KCTD7: variants seen among roughly 807,000 people sequenced by gnomAD.
The protein encoded by KCTD7 is BTB/POZ domain-containing protein KCTD7.
KCTD7 carries 15 observed loss-of-function variants against 27.0 expected under a neutral mutation model. The ratio of observed to expected loss-of-function variants is 0.56; its 90% CI spans 0.37 to 0.86. The LOEUF (loss-of-function observed/expected upper bound fraction) is 0.86, where lower values mean the gene tolerates loss of function less well. Ranked by LOEUF, KCTD7 falls within the 40% of genes least tolerant of loss-of-function variation. KCTD7 has a pLI of 0.00. For missense variants in KCTD7, 299 were observed against 398.9 expected, an observed-to-expected ratio of 0.75 and a Z score of 2.13; for synonymous variants, 159 against 162.7, an observed-to-expected ratio of 0.98 and a Z score of 0.17.
At chr7:66,631,162 C>T (rs572531564) in intron 1 of KCTD7, among the ~76,000 whole-genome samples, 3 of 152,242 alleles carry the variant, frequency 2.0e-5, no homozygotes, top group Non-Finnish European at 2.9e-5. Context: ...TTGAGCCAGG[C>T]GCTGCACAAG....
rs1786679282 is a variant in KCTD7 at position 66,640,063 on chromosome 7, T to C, written c.*831T>C. The C allele has an allele frequency of 7.9e-7, 1 of 1,265,136 alleles. No individual in the cohort carries two copies. The highest frequency in any genetic ancestry group is 3.0e-4 in the Middle Eastern group (1 of 3,348). 78.4% of individuals were successfully genotyped at this position (1,265,136 alleles called of 1,614,324 possible). ...CCTAGATCTTCTGTTATCTTTGACATGTAACATCCTTTTTAGAGGCTCAGA... is the reference window on the plus strand; with the variant it reads ...CCTAGATCTTCTGTTATCTTTGACACGTAACATCCTTTTTAGAGGCTCAGA... On this transcript the variant is annotated 3_prime_UTR_variant, in exon 4 of 4. Transcript: ENST00000639828.
Position 66,628,948 on chromosome 7 carries a change from C to A in KCTD7, c.-117C>A, listed in dbSNP as rs1234207972. The A allele has an allele frequency of 8.4e-6, 9 of 1,068,894 alleles. No homozygotes were observed. Among genetic ancestry groups the A allele is most frequent in the East Asian group, 3.4e-5 (1 of 29,274 alleles). The allele number at this position is 1,068,894 out of a possible 1,614,324, so 66.2% of individuals were successfully genotyped here. On this transcript the variant is annotated 5_prime_UTR_variant, in exon 1 of 4. Coordinates refer to ENST00000639828, the MANE Select transcript of KCTD7 (RefSeq NM_153033.5). ...CCCGCCTGCGCACTGCCTCTCGCCCCCCTCCGGCCAGCCCGCAGCCGGCCG... is the reference window on the plus strand; with the variant it reads ...CCCGCCTGCGCACTGCCTCTCGCCCACCTCCGGCCAGCCCGCAGCCGGCCG...
chr7:66,632,852 G>A (rs1290846305), intron 1 of KCTD7, among the ~76,000 whole-genome samples: 1 of 151,294 alleles, frequency 6.6e-6, no homozygotes, highest in Non-Finnish European at 1.5e-5. Flanking sequence ...GACCATCCTG[G>A]CTAACGCAGT....
chr7:66,637,517 A>T (rs1786614788), intron 2 of KCTD7, among the ~76,000 whole-genome samples: 2 of 152,270 alleles, frequency 1.3e-5, no homozygotes, highest in Admixed American at 1.3e-4. Context: ...GTATACTTAC[A>T]TAATGAATAA....
Position 66,639,780 on chromosome 7 carries a change from C to T in KCTD7, c.*548C>T, listed in dbSNP as rs1274628365. Reference sequence around the variant, plus strand: ...CTTCTCCTCCAAGAATAGTTGCCCACATTCCCAAAATGTGGAAAGACTTTT... The same window carrying T: ...CTTCTCCTCCAAGAATAGTTGCCCATATTCCCAAAATGTGGAAAGACTTTT... On this transcript the variant is annotated 3_prime_UTR_variant, in exon 4 of 4. Transcript: ENST00000639828. 7.9e-5 allele frequency: 99 copies of T among 1,250,692 alleles called. No individual in the cohort carries two copies. Among genetic ancestry groups the T allele is most frequent in the Non-Finnish European group, 9.6e-5 (96 of 998,970 alleles). 77.5% of individuals were successfully genotyped at this position (1,250,692 alleles called of 1,614,324 possible).
chr7:66,630,195 A>T (rs140012172), intron 1 of KCTD7, among the ~76,000 whole-genome samples: 118 of 152,226 alleles, frequency 7.8e-4, no homozygotes, highest in African/African-American at 2.7e-3. Context: ...TGAGCCCTGG[A>T]GGTTGAGGCT....
chr7:66,640,779 A>G lies in KCTD7; in HGVS notation c.*1547A>G, dbSNP rs1221157256. ...CAGGAGATTAAGACTGTAGTATACT[A>G]TGATCGTGCCTGTGGCTAGCCACTG... On this transcript the variant is annotated 3_prime_UTR_variant, in exon 4 of 4. Coordinates refer to ENST00000639828, the MANE Select transcript of KCTD7 (RefSeq NM_153033.5). 1.2e-5 allele frequency: 12 copies of G among 996,406 alleles called. No homozygotes were observed. In the East Asian group the frequency reaches 5.7e-4, roughly 47 times the overall value. The allele number at this position is 996,406 out of a possible 1,614,324, so 61.7% of individuals were successfully genotyped here.
Position 66,640,616 on chromosome 7 carries a change from T to C in KCTD7, c.*1384T>C. 1.4e-6 allele frequency: 2 copies of C among 1,387,474 alleles called. No individual in the cohort carries two copies. Among genetic ancestry groups the C allele is most frequent in the Non-Finnish European group, 1.9e-6 (2 of 1,075,350 alleles). 85.9% of individuals were successfully genotyped at this position (1,387,474 alleles called of 1,614,324 possible). ...GGTAAAGGGAGATTTTTTTTTTTAA[T>C]GTGTAAAGAATTGATGCGAGCCAGG... On this transcript the variant is annotated 3_prime_UTR_variant, in exon 4 of 4. Transcript: ENST00000639828.
Position 66,642,914 on chromosome 7 carries a change from G to A in KCTD7, c.*3682G>A, listed in dbSNP as rs951796602. 6 of 985,382 alleles carry A rather than the reference G, an allele frequency of 6.1e-6. No homozygotes were observed. Among genetic ancestry groups the A allele is most frequent in the South Asian group, 9.4e-5 (2 of 21,278 alleles). The allele number at this position is 985,382 out of a possible 1,614,324, so 61.0% of individuals were successfully genotyped here. A position where few individuals can be genotyped will look rare whatever the true frequency, so the allele number is the denominator to read the frequency against. ...GTGTGGGAGGTCACCTGGGTCCGTC[G>A]TCTTCCTTCTGTATGGTGTTGGGTT... is the stretch of plus-strand genomic sequence containing the variant. On this transcript the variant is annotated 3_prime_UTR_variant, in exon 4 of 4. Transcript: ENST00000639828.
At chr7:66,637,390 G>T (rs757947000) in intron 2 of KCTD7, among the ~76,000 whole-genome samples, 11 of 152,036 alleles carry the variant, frequency 7.2e-5, no homozygotes, top group Non-Finnish European at 1.5e-4. Flanking sequence ...CTGGCCTAAA[G>T]GTCTTATATA....
rs1786512274 is a variant in KCTD7 at position 66,633,906 on chromosome 7, T to C, written c.314+462T>C. 2.6e-5 allele frequency among the ~76,000 whole-genome samples: 4 copies of C among 152,156 alleles called. 1 individual carries two copies. In the South Asian group the frequency reaches 8.3e-4, roughly 32 times the overall value. On this transcript the variant is annotated intron_variant, in intron 2 of 3. Coordinates refer to ENST00000639828, the MANE Select transcript of KCTD7 (RefSeq NM_153033.5). ...AGGAAGCTGAGGTCGAAGAATCGCTTGAACCCAGGAGGCAGAGGTTGCAGT... is the reference window on the plus strand; with the variant it reads ...AGGAAGCTGAGGTCGAAGAATCGCTCGAACCCAGGAGGCAGAGGTTGCAGT...
intron 3 of KCTD7, 81 bp downstream of exon 3, chr7:66,638,512 A>G: frequency 7.1e-7 from 1 of 1,416,904 alleles, no homozygotes; most frequent in Non-Finnish European, 9.9e-7. Flanking sequence ...CTCCATCAGA[A>G]CACCGGGGGC....
At chr7:66,632,502 A>G (rs374811966) in intron 1 of KCTD7, among the ~76,000 whole-genome samples, 1 of 151,978 alleles carries the variant, frequency 6.6e-6, no homozygotes, top group East Asian at 1.9e-4. Flanking sequence ...AAAAAAAAAA[A>G]AAAGAAAAAG....
intron 3 of KCTD7, 177 bp from the exon 4 acceptor site, chr7:66,638,679 G>A (rs1213029022): frequency 3.6e-6 from 3 of 830,324 alleles, no homozygotes; most frequent in Middle Eastern, 3.6e-4. Flanking sequence ...CTTTGCTGTG[G>A]AGAACCGTGA....
At chr7:66,629,930 T>C (rs1786409843) in intron 1 of KCTD7, among the ~76,000 whole-genome samples, 2 of 152,168 alleles carry the variant, frequency 1.3e-5, no homozygotes, top group African/African-American at 4.8e-5. Flanking sequence ...CGGGTCTTAC[T>C]TAATGTGTGT....
In KCTD7 at chr7:66,629,215, GGGCGGGC is replaced by G. The variant is rs1313339325; in HGVS notation, c.144+15_144+21del. The G allele has an allele frequency of 2.9e-6, 4 of 1,362,832 alleles. No individual in the cohort carries two copies. Among genetic ancestry groups the G allele is most frequent in the Middle Eastern group, 2.3e-4 (1 of 4,368 alleles). The allele number at this position is 1,362,832 out of a possible 1,614,324, so 84.4% of individuals were successfully genotyped here. ...GCCCCTGCTGCCACAGGAGGTACCC[GGGCGGGC>G]GGCGGGCCGCGGGGCGTGGGGAGGG... On this transcript the variant is annotated splice_region_variant and intron_variant, in intron 1 of 3. Coordinates refer to ENST00000639828, the MANE Select transcript of KCTD7 (RefSeq NM_153033.5).
At chr7:66,635,911 A>G (rs1416268102) in intron 2 of KCTD7, among the ~76,000 whole-genome samples, 1 of 151,946 alleles carries the variant, frequency 6.6e-6, no homozygotes, top group Non-Finnish European at 1.5e-5. Flanking sequence ...AGAGCTCACC[A>G]AGGTTTGCTG....
chr7:66,640,850 A>AATAG lies in KCTD7; in HGVS notation c.*1621_*1622insGATA. The AATAG allele has an allele frequency of 1.0e-6, 1 of 983,700 alleles. No individual in the cohort carries two copies. The highest frequency in any genetic ancestry group is 1.2e-6 in the Non-Finnish European group (1 of 828,004). 60.9% of individuals were successfully genotyped at this position (983,700 alleles called of 1,614,324 possible). On this transcript the variant is annotated 3_prime_UTR_variant, in exon 4 of 4. Transcript: ENST00000639828. Reference sequence around the variant, plus strand: ...CATCGTAAAAATAAATAAATAAATAAATAAATTGGGGAGGACAGCCTCACT... The same window carrying AATAG: ...CATCGTAAAAATAAATAAATAAATAAATAGATAAATTGGGGAGGACAGCCTCACT...
chr7:66,634,389 G>A (rs1201366023), intron 2 of KCTD7, among the ~76,000 whole-genome samples: 1 of 151,756 alleles, frequency 6.6e-6, no homozygotes, highest in African/African-American at 2.4e-5. Flanking sequence ...TGGAGATAGG[G>A]TCTTGCTATG....
Sources: allele counts gnomAD v4.1 joint callset (sites outside exome capture counted in the v4.1 genomes callset), GRCh38; gene constraint gnomAD v4.1.1; transcripts MANE v1.5; gene names NCBI Gene and HGNC (gene_info 2026-07-23, HGNC 2026-07-21).